PAK3: variants seen among roughly 807,000 people sequenced by gnomAD.
PAK3 encodes the protein p21 (RAC1) activated kinase 3, also known as serine/threonine-protein kinase PAK 3.
Under a neutral mutation model 41.0 loss-of-function variants are expected in PAK3, and 4 were observed. The ratio of observed to expected loss-of-function variants is 0.10; its 90% confidence interval spans 0.05 to 0.22. The LOEUF (loss-of-function observed/expected upper bound fraction) is 0.22, where lower values mean the gene tolerates loss of function less well. Among genes scored for constraint, PAK3 ranks in the 10% least tolerant of loss-of-function variants. The pLI, the probability that PAK3 is intolerant of heterozygous loss-of-function variation, is 1.00. For synonymous variants in PAK3, 146 were observed against 139.6 expected (o/e 1.05, Z -0.32); for missense variants, 205 against 409.9 (o/e 0.50, Z 4.32).
chrX:111,123,008 A>G, intron 4 of PAK3, 69 bp from the exon 5 acceptor site: 2 of 637,405 alleles, frequency 3.1e-6, no homozygotes. Flanking sequence ...AGATGTTAGA[A>G]TCCACATATT....
At chrX:111,194,255 G>C (rs1346431126) in intron 13 of PAK3, 46 bp from the exon 14 acceptor site, 1 of 764,710 alleles carries the variant, frequency 1.3e-6, no homozygotes, top group African/African-American at 2.0e-5. Flanking sequence ...AGAGTCCCCA[G>C]GTTTTTTAGC....
intron 1 of PAK3, among the ~76,000 whole-genome samples, chrX:111,016,985 G>T (rs765265090): frequency 9.0e-6 from 1 of 111,250 alleles, no homozygotes; most frequent in South Asian, 3.8e-4. Context: ...CCCTGCTTTG[G>T]GCTGGAAAAC....
At chrX:111,038,458 C>A (rs1287749329) in intron 1 of PAK3, among the ~76,000 whole-genome samples, 1 of 112,091 alleles carries the variant, frequency 8.9e-6, no homozygotes, top group Non-Finnish European at 1.9e-5. Flanking sequence ...ACCTTGCAGT[C>A]AAGCATGATA....
In PAK3 at chrX:111,045,488, A is replaced by G. The variant is rs1029307004; in HGVS notation, c.-27-77589A>G. ...AATAAGAGATTTCACTAAGCTTGCT[A>G]TCTCCCTGTATGTGATGTGATTGCA... On this transcript the variant is annotated intron_variant, in intron 1 of 14. Transcript: ENST00000425146. Among the ~76,000 whole-genome samples the G allele has an allele frequency of 7.1e-5, 8 of 112,165 alleles. No individual in the cohort carries two copies. In the South Asian group the frequency reaches 2.6e-3, roughly 37 times the overall value.
At chrX:111,033,361 T>C (rs2092360593) in intron 1 of PAK3, among the ~76,000 whole-genome samples, 1 of 111,972 alleles carries the variant, frequency 8.9e-6, no homozygotes, top group Non-Finnish European at 1.9e-5. Context: ...CACGCAGGTA[T>C]TCATAATGCA....
intron 11 of PAK3, among the ~76,000 whole-genome samples, chrX:111,190,197 C>T: frequency 9.0e-6 from 1 of 110,947 alleles, no homozygotes; most frequent in South Asian, 3.8e-4. Context: ...TATTTAGAAA[C>T]ACAAGCAGAG....
chrX:111,056,907 C>CT (rs200062533), intron 1 of PAK3, among the ~76,000 whole-genome samples: 1,438 of 111,642 alleles, frequency 0.013, 31 homozygotes, highest in African/African-American at 0.044. Flanking sequence ...AATGTCCCCC[C>CT]TTTTTTTACT....
chrX:110,984,089 T>A (rs1366670513), intron 1 of PAK3, among the ~76,000 whole-genome samples: 1 of 111,963 alleles, frequency 8.9e-6, no homozygotes, highest in Non-Finnish European at 1.9e-5. Flanking sequence ...TTGCTTCCGC[T>A]CTTACTGCCA....
Position 111,224,813 on chromosome X carries a change from A to G in PAK3, c.*4366A>G, listed in dbSNP as rs2094945533. Reference sequence around the variant, plus strand: ...AGATATGCTGCTTAGTTTCACTAAAAGCAGACCCTATACCTAGAGAAGTCA... The same window carrying G: ...AGATATGCTGCTTAGTTTCACTAAAGGCAGACCCTATACCTAGAGAAGTCA... On this transcript the variant is annotated 3_prime_UTR_variant, in exon 18 of 18. Coordinates refer to ENST00000372007, the MANE Select transcript of PAK3 (RefSeq NM_002578.5). 1 of 112,618 alleles carries G rather than the reference A, an allele frequency of 8.9e-6. No individual in the cohort carries two copies. Among genetic ancestry groups the G allele is most frequent in the Non-Finnish European group, 1.9e-5 (1 of 53,343 alleles). The allele number at this position is 112,618 out of a possible 1,213,427, so 9.3% of individuals were successfully genotyped here.
intron 10 of PAK3, among the ~76,000 whole-genome samples, chrX:111,168,929 G>A (rs989525777): frequency 1.8e-5 from 2 of 111,329 alleles, no homozygotes; most frequent in Non-Finnish European, 3.8e-5. Context: ...TTTGAATAAG[G>A]ATGGCTCTCA....
At chrX:111,063,623 T>C (rs954468747) in intron 1 of PAK3, among the ~76,000 whole-genome samples, 1 of 110,955 alleles carries the variant, frequency 9.0e-6, no homozygotes, top group Non-Finnish European at 1.9e-5. Flanking sequence ...AAGCAATGAC[T>C]CCTTCGAGAC....
At chrX:111,046,811 A>G (rs2092503088) in intron 1 of PAK3, among the ~76,000 whole-genome samples, 1 of 112,310 alleles carries the variant, frequency 8.9e-6, no homozygotes, top group Non-Finnish European at 1.9e-5. Flanking sequence ...ATAGATAACT[A>G]TGAATATTTT....
intron 16 of PAK3, among the ~76,000 whole-genome samples, chrX:111,209,219 G>A (rs2094791681): frequency 9.0e-6 from 1 of 111,466 alleles, no homozygotes; most frequent in South Asian, 3.9e-4. Context: ...GTATTGTGCA[G>A]TGGTCAAGAG....
chrX:110,989,493 C>A (rs899980803), intron 1 of PAK3, among the ~76,000 whole-genome samples: 17 of 111,519 alleles, frequency 1.5e-4, no homozygotes, highest in Non-Finnish European at 3.0e-4. Context: ...CATGTAAAAT[C>A]TTGTAATTTT....
rs191057219 is a variant in PAK3 at position 111,057,172 on chromosome X, A to G, written c.-27-65905A>G. On this transcript the variant is annotated intron_variant, in intron 1 of 14. Transcript: ENST00000425146. Reference sequence around the variant, plus strand: ...CAAAGGACATGAACAGACATTTCTCAAAAGGAGATGTACAAATGGCCAACA... The same window carrying G: ...CAAAGGACATGAACAGACATTTCTCGAAAGGAGATGTACAAATGGCCAACA... Among the ~76,000 whole-genome samples the G allele has an allele frequency of 8.5e-3, 950 of 112,127 alleles. 6 individuals carry two copies. Among genetic ancestry groups the G allele is most frequent in the Non-Finnish European group, 0.013 (713 of 53,196 alleles).
intron 16 of PAK3, among the ~76,000 whole-genome samples, chrX:111,210,926 G>T (rs1176855538): frequency 1.8e-5 from 2 of 111,830 alleles, no homozygotes; most frequent in Non-Finnish European, 3.8e-5. Context: ...CTAAAACCCA[G>T]GATAGTCCCC....
At chrX:111,034,367 C>G (rs1473871699) in intron 1 of PAK3, among the ~76,000 whole-genome samples, 2 of 111,598 alleles carry the variant, frequency 1.8e-5, no homozygotes, top group Non-Finnish European at 3.8e-5. Flanking sequence ...GGTCACCTTC[C>G]ATAAGCAAGA....
At chrX:111,072,057 A>C (rs1014004018) in intron 1 of PAK3, among the ~76,000 whole-genome samples, 10 of 111,958 alleles carry the variant, frequency 8.9e-5, no homozygotes, top group African/African-American at 2.9e-4. Context: ...CACATACATA[A>C]TTACCCAGCC....
intron 11 of PAK3, among the ~76,000 whole-genome samples, chrX:111,177,554 A>G (rs1041216609): frequency 4.5e-5 from 5 of 112,248 alleles, no homozygotes; most frequent in Non-Finnish European, 9.4e-5. Context: ...ATAAGGAAAG[A>G]AAGAAAAAAA....
Sources: allele counts gnomAD v4.1 joint callset (sites outside exome capture counted in the v4.1 genomes callset), GRCh38; gene constraint gnomAD v4.1.1; transcripts MANE v1.5; gene names NCBI Gene and HGNC (gene_info 2026-07-23, HGNC 2026-07-21).